Variants in XKR9 observed in about 807,000 individuals in gnomAD.
XKR9 encodes XK-related protein 9.
In XKR9, 32 loss-of-function variants were observed where a neutral mutation model predicts 32.0. The observed-to-expected ratio is 1.00, with a 90% CI of 0.76 to 1.34. XKR9 has a LOEUF of 1.34. Among genes scored for constraint, XKR9 ranks in the 40% most tolerant of loss-of-function variants. The pLI is 0.00. For synonymous variants in XKR9, 168 were observed against 143.4 expected (o/e 1.17, Z -1.22); for missense variants, 546 against 429.7 (o/e 1.27, Z -2.39).
At chr8:70,949,584 C>G in the XKR9 span, among the ~76,000 whole-genome samples, 1 of 151,806 alleles carries the variant, frequency 6.6e-6, no homozygotes, top group South Asian at 2.1e-4. Context: ...AAAAGTGTAT[C>G]TGTGTGTGTA....
the XKR9 span, among the ~76,000 whole-genome samples, chr8:71,016,036 G>A: frequency 6.6e-6 from 1 of 152,040 alleles, no homozygotes; most frequent in Non-Finnish European, 1.5e-5. Context: ...TACCAACACA[G>A]CATCATGGCT....
the XKR9 span, among the ~76,000 whole-genome samples, chr8:70,921,917 A>G: frequency 6.6e-6 from 1 of 152,208 alleles, no homozygotes; most frequent in South Asian, 2.1e-4. Flanking sequence ...GAATTGAAGT[A>G]AGATTTCACT....
chr8:70,748,806 G>T (rs1370928345), intron 2 of XKR9, among the ~76,000 whole-genome samples: 8 of 152,182 alleles, frequency 5.3e-5, no homozygotes, highest in Non-Finnish European at 1.2e-4. Flanking sequence ...GCCCATGGCT[G>T]CCCATGGACC....
At chr8:70,813,332 T>G in the XKR9 span, among the ~76,000 whole-genome samples, 36 of 151,878 alleles carry the variant, frequency 2.4e-4, no homozygotes, top group African/African-American at 8.4e-4. Flanking sequence ...CCTAAAACCA[T>G]AAACCCTAGA....
the XKR9 span, among the ~76,000 whole-genome samples, chr8:70,985,249 G>C: frequency 6.6e-6 from 1 of 152,188 alleles, no homozygotes; most frequent in Non-Finnish European, 1.5e-5. Context: ...TTATGAGTGA[G>C]AACATGCAGT....
chr8:70,815,974 A>G, the XKR9 span, among the ~76,000 whole-genome samples: 48,456 of 151,984 alleles, frequency 0.32, 9,077 homozygotes, highest in Non-Finnish European at 0.43. Flanking sequence ...GTGTCTTTAT[A>G]ATAGAACAAT....
chr8:70,824,019 C>T, the XKR9 span, among the ~76,000 whole-genome samples: 1 of 152,020 alleles, frequency 6.6e-6, no homozygotes, highest in Non-Finnish European at 1.5e-5. Flanking sequence ...ACTATATTAC[C>T]AAAGCAATTT....
intron 3 of XKR9, among the ~76,000 whole-genome samples, chr8:70,697,122 T>C (rs1805309709): frequency 6.6e-6 from 1 of 150,626 alleles, no homozygotes; most frequent in Non-Finnish European, 1.5e-5. Context: ...AATCATGTCA[T>C]CTGCAAACAG....
chr8:70,772,529 A>T (rs1394629293), intron 2 of XKR9, among the ~76,000 whole-genome samples: 1 of 152,170 alleles, frequency 6.6e-6, no homozygotes, highest in Non-Finnish European at 1.5e-5. Context: ...CTTGGTTATT[A>T]TATCTTTCAC....
At chr8:70,812,871 G>A in the XKR9 span, among the ~76,000 whole-genome samples, 2 of 152,136 alleles carry the variant, frequency 1.3e-5, no homozygotes, top group Non-Finnish European at 2.9e-5. Context: ...TACTGCCCAA[G>A]GTAATTTATA....
intron 4 of XKR9, among the ~76,000 whole-genome samples, chr8:70,712,109 T>G (rs920837865): frequency 6.6e-6 from 1 of 151,828 alleles, no homozygotes; most frequent in Non-Finnish European, 1.5e-5. Context: ...AGTAAAAGAG[T>G]AAAAACAGTA....
At chr8:71,055,314 T>C in the XKR9 span, among the ~76,000 whole-genome samples, 1 of 152,152 alleles carries the variant, frequency 6.6e-6, no homozygotes, top group Admixed American at 6.5e-5. Context: ...TACAAGGATA[T>C]ATACAAATTC....
At chr8:71,002,599 A>T in the XKR9 span, among the ~76,000 whole-genome samples, 1,439 of 152,280 alleles carry the variant, frequency 9.4e-3, 23 homozygotes, top group African/African-American at 0.033. Context: ...TTTTTTATTG[A>T]TACTATTGTA....
At chr8:70,794,509 A>G (rs1479600790), downstream of XKR9, among the ~76,000 whole-genome samples, 1 of 152,080 alleles carries the variant, frequency 6.6e-6, no homozygotes, top group Non-Finnish European at 1.5e-5. Flanking sequence ...CCTTTATTAG[A>G]TTGAGAAAGT....
chr8:71,044,779 G>A, the XKR9 span, among the ~76,000 whole-genome samples: 3 of 152,208 alleles, frequency 2.0e-5, no homozygotes, highest in South Asian at 6.2e-4. Flanking sequence ...AATTATCCTT[G>A]AAGCTAATAA....
At chr8:70,695,946 T>A (rs1805257160) in intron 3 of XKR9, among the ~76,000 whole-genome samples, 1 of 152,074 alleles carries the variant, frequency 6.6e-6, no homozygotes. Context: ...GAGCATTTTT[T>A]CATGTGTTTT....
At chr8:70,670,105 T>C (rs1455157582) in intron 1 of XKR9, among the ~76,000 whole-genome samples, 1 of 152,228 alleles carries the variant, frequency 6.6e-6, no homozygotes, top group Non-Finnish European at 1.5e-5. Flanking sequence ...ACTATTTTTG[T>C]TACAAATGAA....
At chr8:70,775,832 T>G (rs1807511177) in intron 2 of XKR9, among the ~76,000 whole-genome samples, 1 of 151,776 alleles carries the variant, frequency 6.6e-6, no homozygotes, top group Non-Finnish European at 1.5e-5. Context: ...GCAGCTTCGA[T>G]TTTTTGGGTT....
At chr8:70,786,638 C>T (rs1239529035) in intron 2 of XKR9, among the ~76,000 whole-genome samples, 2 of 152,080 alleles carry the variant, frequency 1.3e-5, no homozygotes, top group Non-Finnish European at 2.9e-5. Flanking sequence ...TCTTACATTT[C>T]TTCACTTTCA....
Sources: gnomAD v4.1 joint callset for allele counts (sites outside exome capture counted in the v4.1 genomes callset) on GRCh38, gnomAD v4.1.1 for gene constraint, MANE v1.5 for transcripts, NCBI Gene and HGNC (gene_info 2026-07-23, HGNC 2026-07-21) for gene names.